Variants in SYN2 observed in about 807,000 individuals in gnomAD.
SYN2 encodes the protein synapsin II, also known as synapsin-2.
A neutral mutation model predicts 50.9 loss-of-function variants in SYN2; 19 were observed. The ratio of observed to expected loss-of-function variants is 0.37; its 90% CI spans 0.26 to 0.55. SYN2 has a LOEUF of 0.55. Ranked by LOEUF, SYN2 falls within the 20% of genes least tolerant of loss-of-function variation. SYN2 has a pLI of 0.81. For synonymous variants in SYN2, 255 were observed against 224.9 expected, an observed-to-expected ratio of 1.13 and a Z score of -1.20; for missense variants, 587 against 576.4, an observed-to-expected ratio of 1.02 and a Z score of -0.19.
intron 1 of SYN2, among the ~76,000 whole-genome samples, chr3:12,129,791 G>T (rs1440591860): frequency 6.6e-6 from 1 of 152,094 alleles, no homozygotes; most frequent in African/African-American, 2.4e-5. Flanking sequence ...TGTTGTTATG[G>T]GCTGAATGTT....
At position 12,191,994 on chromosome 3, in the gene SYN2, C is replaced by T. The variant is rs987792308; in HGVS notation, c.*1369C>T. Among the ~76,000 whole-genome samples the T allele has an allele frequency of 3.9e-5, 6 of 152,232 alleles. No homozygotes were observed. The highest frequency in any genetic ancestry group is 3.3e-4 in the Admixed American group (5 of 15,282). On this transcript the variant is annotated 3_prime_UTR_variant, in exon 13 of 13. Transcript: ENST00000621198. ...ACGGATGCTGTGAAGATAAACACTA[C>T]ATCTGCACCAATAAAAAATCCATAT...
At chr3:12,139,135 G>A (rs1416762816) in intron 1 of SYN2, among the ~76,000 whole-genome samples, 1 of 152,194 alleles carries the variant, frequency 6.6e-6, no homozygotes, top group Admixed American at 6.5e-5. Flanking sequence ...GGATGGCTGA[G>A]TGCCTCAGAG....
chr3:12,014,025 ACTCTT>A (rs1447769994), intron 1 of SYN2, among the ~76,000 whole-genome samples: 1 of 151,200 alleles, frequency 6.6e-6, no homozygotes, highest in Non-Finnish European at 1.5e-5. Context: ...TTTTCCAGAA[ACTCTT>A]CTCTAACTCT....
chr3:12,008,891 G>A (rs948360498), intron 1 of SYN2, among the ~76,000 whole-genome samples: 3 of 152,118 alleles, frequency 2.0e-5, no homozygotes, highest in African/African-American at 7.2e-5. Context: ...AGAAAAGAGG[G>A]GGACAACGAA....
intron 5 of SYN2, among the ~76,000 whole-genome samples, chr3:12,159,680 T>C (rs1244928325): frequency 6.6e-6 from 1 of 152,168 alleles, no homozygotes; most frequent in Admixed American, 6.5e-5. Flanking sequence ...CTAGACTACA[T>C]TGATTTTTAT....
chr3:12,168,657 C>A, intron 9 of SYN2, among the ~76,000 whole-genome samples, 179 bp downstream of exon 9: 1 of 152,256 alleles, frequency 6.6e-6, no homozygotes, highest in Non-Finnish European at 1.5e-5. Context: ...ATGTTGAATA[C>A]GGGTTGATGG....
chr3:12,182,845 C>A (rs1022543162), intron 10 of SYN2, among the ~76,000 whole-genome samples: 5 of 152,244 alleles, frequency 3.3e-5, no homozygotes, highest in African/African-American at 1.2e-4. Flanking sequence ...CTCCCCTGCC[C>A]TCCTGCTCAC....
In SYN2 at chr3:12,142,085, G is replaced by T. The variant is rs1697031626; in HGVS notation, c.527+89G>T. ...AGAGGTGGTTTCTAAGTCAGGTGTT[G>T]GAGTGAGATAGCAGTGCTATGTATG... On this transcript the variant is annotated intron_variant, in intron 3 of 12. Transcript: ENST00000621198. 5.3e-6 allele frequency: 4 copies of T among 751,060 alleles called. 1 individual carries two copies. In the East Asian group the frequency reaches 9.8e-5, roughly 18 times the overall value. The allele number at this position is 751,060 out of a possible 1,614,324, so 46.5% of individuals were successfully genotyped here.
rs568266978 is a variant in SYN2 at position 12,175,604 on chromosome 3, A to C, written c.1308+5698A>C. On this transcript the variant is annotated intron_variant, in intron 10 of 12. Transcript: ENST00000621198. ...CAGACCTGTGGCTAGCCACTTGTCT[A>C]CCCTTCTCTGTTTCTCCTTCTCTAT... is the stretch of plus-strand genomic sequence containing the variant. Among the ~76,000 whole-genome samples, 12 of 152,338 alleles carry C rather than the reference A, an allele frequency of 7.9e-5. No homozygotes were observed. In the South Asian group the frequency reaches 2.5e-3, roughly 32 times the overall value.
At chr3:12,161,986 C>G in intron 6 of SYN2, 26 bp from the exon 7 acceptor site, 1 of 1,613,286 alleles carries the variant, frequency 6.2e-7, no homozygotes, top group Non-Finnish European at 8.5e-7. Flanking sequence ...CTCCCTTTCC[C>G]CCTTTCTGCC....
Position 12,145,703 on chromosome 3 carries a change from C to T in SYN2, c.552C>T (p.Leu184=), listed in dbSNP as rs375212042. The change falls in exon 4 of 13, where the codon CTC becomes CTT. Residue 184 remains leucine, a synonymous_variant. Coordinates refer to ENST00000621198, the MANE Select transcript of SYN2 (RefSeq NM_133625.6). ...GGTCCTTCCGGCCAGACTTCGTGCT[C>T]ATCCGGCAGCATGCATTTGGCATGG... is the stretch of plus-strand genomic sequence containing the variant. The part of the protein sequence containing the change: ...VVRSFRPDFV[L]IRQHAFGMAE... The T allele has an allele frequency of 4.3e-6, 7 of 1,614,006 alleles. No individual in the cohort carries two copies. Among genetic ancestry groups the T allele is most frequent in the Middle Eastern group, 1.7e-4 (1 of 6,060 alleles).
chr3:12,083,092 A>G (rs887459674), intron 1 of SYN2, among the ~76,000 whole-genome samples: 3 of 152,148 alleles, frequency 2.0e-5, no homozygotes, highest in Non-Finnish European at 4.4e-5. Context: ...GCTCACTGCA[A>G]CATCCACCTC....
At chr3:12,088,317 T>C (rs1695754698) in intron 1 of SYN2, among the ~76,000 whole-genome samples, 1 of 152,182 alleles carries the variant, frequency 6.6e-6, no homozygotes, top group Non-Finnish European at 1.5e-5. Context: ...AAATGCTCAA[T>C]ATCTCTAATC....
intron 1 of SYN2, among the ~76,000 whole-genome samples, chr3:12,025,223 T>C (rs1694230357): frequency 6.6e-6 from 1 of 152,134 alleles, no homozygotes; most frequent in South Asian, 2.1e-4. Flanking sequence ...TCCCAAAGGT[T>C]CCACCTCCAA....
intron 1 of SYN2, among the ~76,000 whole-genome samples, chr3:12,019,932 G>T (rs1003066463): frequency 1.3e-5 from 2 of 152,116 alleles, no homozygotes; most frequent in African/African-American, 2.4e-5. Context: ...TCTGATCTCT[G>T]CATTAGTCAA....
At chr3:12,025,647 T>G (rs1694242028) in intron 1 of SYN2, among the ~76,000 whole-genome samples, 1 of 152,088 alleles carries the variant, frequency 6.6e-6, no homozygotes, top group Non-Finnish European at 1.5e-5. Flanking sequence ...TGTGTGGTTT[T>G]TTTTTGTTTT....
intron 1 of SYN2, among the ~76,000 whole-genome samples, chr3:12,093,615 G>A (rs1019230566): frequency 1.2e-4 from 18 of 152,036 alleles, no homozygotes; most frequent in African/African-American, 1.7e-4. Context: ...TAGTAGTAAC[G>A]ATACTTTGAT....
intron 7 of SYN2, among the ~76,000 whole-genome samples, chr3:12,164,906 AGTCATAGAG>A (rs954131731): frequency 1.2e-4 from 19 of 152,252 alleles, no homozygotes; most frequent in African/African-American, 4.1e-4. Context: ...ATATTGAAAA[AGTCATAGAG>A]GTCATAGAGG....
At chr3:12,168,581 TC>T in intron 9 of SYN2, 103 bp downstream of exon 9, 2 of 977,390 alleles carry the variant, frequency 2.0e-6, no homozygotes, top group Non-Finnish European at 3.1e-6. Flanking sequence ...ATGGAAATGT[TC>T]CAGCAAGATC....
Sources: gnomAD v4.1 joint callset for allele counts (sites outside exome capture counted in the v4.1 genomes callset) on GRCh38, gnomAD v4.1.1 for gene constraint, MANE v1.5 for transcripts, NCBI Gene and HGNC (gene_info 2026-07-23, HGNC 2026-07-21) for gene names.